The following ASB4 variants were observed in gnomAD, a reference collection of about 807,000 sequenced individuals.
ASB4 encodes the protein ankyrin repeat and SOCS box containing 4.
A neutral mutation model predicts 38.6 loss-of-function variants in ASB4; 35 were observed. The observed-to-expected ratio is 0.91, with a 90% CI of 0.69 to 1.20. The LOEUF (loss-of-function observed/expected upper bound fraction) is 1.20. ASB4 is among the 50% of genes most tolerant of loss of function. The pLI, the probability that ASB4 is intolerant of heterozygous loss-of-function variation, is 0.00. For synonymous variants in ASB4, 195 were observed against 201.3 expected (o/e 0.97, Z 0.26); for missense variants, 557 against 527.2 (o/e 1.06, Z -0.55).
chr7:95,528,300 T>C lies in ASB4; in HGVS notation c.975T>C (p.His325=), dbSNP rs867210034. ...CCCGAATATACCCTCCACAGTTCCA[T>C]AAGGTGAGGCTCTGCCCAGTGGTCA... is the stretch of plus-strand genomic sequence containing the variant. ...GAARIYPPQF[H]KVIQACHSCP... The change falls in exon 3 of 5, where the codon CAT becomes CAC. Residue 325 remains histidine (H), a synonymous_variant. Transcript: ENST00000325885. 5 of 1,614,094 alleles carry C rather than the reference T, an allele frequency of 3.1e-6. No homozygotes were observed. Among genetic ancestry groups the C allele is most frequent in the Non-Finnish European group, 2.5e-6 (3 of 1,180,008 alleles).
At chr7:95,489,744 A>G (rs1196786730) in intron 1 of ASB4, among the ~76,000 whole-genome samples, 1 of 152,234 alleles carries the variant, frequency 6.6e-6, no homozygotes, top group Non-Finnish European at 1.5e-5. Flanking sequence ...GCCAAATGCA[A>G]TAAGTCATTG....
chr7:95,547,404 A>T, the ASB4 span, among the ~76,000 whole-genome samples: 1 of 152,172 alleles, frequency 6.6e-6, no homozygotes, highest in African/African-American at 2.4e-5. Context: ...ATATATTCTT[A>T]TGTGTTTGGC....
At position 95,528,258 on chromosome 7, in the gene ASB4, G is replaced by C. The variant is rs763044789; in HGVS notation, c.933G>C (p.Leu311=). Residue 311 remains leucine (L), a synonymous_variant, in exon 3 of 5, where the codon CTG becomes CTC. Transcript: ENST00000325885. ...AGCCTGAGATCTGCTACCAGCTCCT[G>C]TTGAACCATGGGGCTGCCCGAATAT... ...AAQPEICYQL[L]LNHGAARIYP... is the part of the protein sequence containing the mutation. 8 of 1,614,020 alleles carry C rather than the reference G, an allele frequency of 5.0e-6. No individual in the cohort carries two copies. The East Asian group carries it at 1.8e-4, about 36-fold the overall frequency.
intron 2 of ASB4, among the ~76,000 whole-genome samples, chr7:95,507,584 A>G (rs1005215783): frequency 2.6e-5 from 4 of 152,172 alleles, no homozygotes; most frequent in African/African-American, 4.8e-5. Flanking sequence ...TCACTAAACC[A>G]TAAGTTTCAG....
intron 2 of ASB4, among the ~76,000 whole-genome samples, chr7:95,511,634 C>G (rs541905455): frequency 1.1e-4 from 17 of 151,540 alleles, no homozygotes; most frequent in Admixed American, 1.1e-3. Context: ...TGCACTCCAG[C>G]CTGGGCAACA....
At chr7:95,485,056 GTA>G (rs34952249), upstream of ASB4, among the ~76,000 whole-genome samples, 13,895 of 149,878 alleles carry the variant, frequency 0.093, 986 homozygotes, top group East Asian at 0.36. Context: ...GTGTATATAT[GTA>G]TATATATGTA....
chr7:95,499,704 A>T (rs1790304879), intron 2 of ASB4, among the ~76,000 whole-genome samples: 1 of 152,138 alleles, frequency 6.6e-6, no homozygotes, highest in Non-Finnish European at 1.5e-5. Flanking sequence ...GAGGGAGGTC[A>T]CAGGCAAGAC....
chr7:95,482,039 A>G (rs1431038527), upstream of ASB4, among the ~76,000 whole-genome samples: 2 of 152,162 alleles, frequency 1.3e-5, no homozygotes, highest in African/African-American at 4.8e-5. Context: ...TGCTATTAGC[A>G]TTGGTGGCAT....
At chr7:95,510,898 C>A (rs897861529) in intron 2 of ASB4, among the ~76,000 whole-genome samples, 4 of 152,184 alleles carry the variant, frequency 2.6e-5, no homozygotes, top group Non-Finnish European at 5.9e-5. Context: ...TTTCTATCAG[C>A]ACTTTAATTT....
chr7:95,481,710 A>G (rs149497230), upstream of ASB4, among the ~76,000 whole-genome samples: 1 of 152,324 alleles, frequency 6.6e-6, no homozygotes, highest in East Asian at 1.9e-4. Flanking sequence ...ACAGACAAGC[A>G]TCTGGGACTT....
intron 2 of ASB4, among the ~76,000 whole-genome samples, chr7:95,520,785 C>G (rs1415148433): frequency 1.3e-5 from 2 of 152,080 alleles, no homozygotes; most frequent in East Asian, 3.9e-4. Flanking sequence ...GTAGGTAGGT[C>G]TGTTTCTAGG....
chr7:95,518,009 G>A (rs1450673265), intron 2 of ASB4, among the ~76,000 whole-genome samples: 4 of 152,192 alleles, frequency 2.6e-5, no homozygotes, highest in Non-Finnish European at 5.9e-5. Context: ...ATGATCAATT[G>A]CAAAGAGGAA....
chr7:95,514,645 A>G (rs529448814), intron 2 of ASB4, among the ~76,000 whole-genome samples: 3 of 152,300 alleles, frequency 2.0e-5, no homozygotes, highest in South Asian at 2.1e-4. Context: ...GTCTCAGATG[A>G]TTAGTCACTA....
At chr7:95,489,892 T>C (rs1348389777) in intron 1 of ASB4, among the ~76,000 whole-genome samples, 2 of 152,194 alleles carry the variant, frequency 1.3e-5, no homozygotes, top group Non-Finnish European at 2.9e-5. Context: ...ACTTCCATAC[T>C]GGAAAGACGA....
chr7:95,507,880 A>G (rs1790431607), intron 2 of ASB4, among the ~76,000 whole-genome samples: 1 of 152,120 alleles, frequency 6.6e-6, no homozygotes, highest in Admixed American at 6.5e-5. Context: ...CTGCTATTGG[A>G]TTTAGTGACA....
chr7:95,480,161 T>C (rs1321472315), intron 1 of ASB4, among the ~76,000 whole-genome samples: 1 of 152,200 alleles, frequency 6.6e-6, no homozygotes, highest in East Asian at 1.9e-4. Flanking sequence ...CAAGGGTGGC[T>C]TATGGTGTGG....
intron 1 of ASB4, 68 bp from the exon 2 acceptor site, chr7:95,495,690 C>A: frequency 6.8e-7 from 1 of 1,467,888 alleles, no homozygotes; most frequent in Non-Finnish European, 9.2e-7. Flanking sequence ...TAAAAATCCT[C>A]ACAAAACAGG....
chr7:95,490,860 A>G (rs1028971896), intron 1 of ASB4, among the ~76,000 whole-genome samples: 2 of 152,260 alleles, frequency 1.3e-5, no homozygotes, highest in African/African-American at 4.8e-5. Flanking sequence ...TTTTCTTTTC[A>G]GGGATAAAAC....
intron 2 of ASB4, among the ~76,000 whole-genome samples, chr7:95,497,995 C>T (rs1229637166): frequency 6.6e-6 from 1 of 152,180 alleles, no homozygotes; most frequent in East Asian, 1.9e-4. Context: ...TAAACATTTG[C>T]ATACAGGTTT....
Sources: allele counts gnomAD v4.1 joint callset (sites outside exome capture counted in the v4.1 genomes callset), GRCh38; gene constraint gnomAD v4.1.1; transcripts MANE v1.5; gene names NCBI Gene and HGNC (gene_info 2026-07-23, HGNC 2026-07-21).